Variants in POLR1E observed in about 807,000 individuals in gnomAD.
POLR1E encodes the protein DNA-directed RNA polymerase I subunit RPA49.
POLR1E carries 37 observed loss-of-function variants against 50.9 expected under a neutral mutation model. The observed-to-expected ratio is 0.73, with a 90% CI of 0.56 to 0.96. The LOEUF is 0.96. Ranked by LOEUF, POLR1E falls within the 40% of genes least tolerant of loss-of-function variation. POLR1E has a pLI of 0.00. For missense variants in POLR1E, 426 were observed against 518.1 expected (o/e 0.82, Z 1.73); for synonymous variants, 166 against 191.6 (o/e 0.87, Z 1.10).
At chr9:37,499,541 G>A (rs914509057) in intron 9 of POLR1E, among the ~76,000 whole-genome samples, 1 of 151,540 alleles carries the variant, frequency 6.6e-6, no homozygotes, top group African/African-American at 2.4e-5. Flanking sequence ...TTTTTGTTTT[G>A]TTTTTTTTGA....
At chr9:37,488,727 C>T (rs1417513250) in intron 3 of POLR1E, among the ~76,000 whole-genome samples, 4 of 151,956 alleles carry the variant, frequency 2.6e-5, no homozygotes, top group Non-Finnish European at 5.9e-5. Flanking sequence ...CATTACACTA[C>T]CGCAGTGAGC....
At chr9:37,498,318 A>G in intron 9 of POLR1E, 94 bp downstream of exon 9, 2 of 1,344,026 alleles carry the variant, frequency 1.5e-6, no homozygotes, top group South Asian at 1.4e-5. Flanking sequence ...GAAAATGGAT[A>G]TGTCTGTCCA....
chr9:37,492,610 C>T, intron 4 of POLR1E, 47 bp from the exon 5 acceptor site: 2 of 1,520,998 alleles, frequency 1.3e-6, no homozygotes, highest in Non-Finnish European at 9.1e-7. Flanking sequence ...TATTTGTAGG[C>T]CTCCCAATTG....
At position 37,498,243 on chromosome 9, in the gene POLR1E, T is replaced by C. The variant is rs1820820075; in HGVS notation, c.886+19T>C. On this transcript the variant is annotated intron_variant, in intron 9 of 11. Transcript: ENST00000377798. ...CGGAAAAGTAAGTCTATGATAAACA[T>C]TTTATTCTAATTGTTTCCAGTATAT... 4 of 1,600,268 alleles carry C rather than the reference T, an allele frequency of 2.5e-6. No homozygotes were observed. In the African/African-American group the frequency reaches 5.4e-5, roughly 22 times the overall value.
At position 37,486,779 on chromosome 9, in the gene POLR1E, C is replaced by T. The variant is rs1446558551; in HGVS notation, c.153C>T (p.Asn51=). The T allele has an allele frequency of 6.2e-7, 1 of 1,613,314 alleles. No individual in the cohort carries two copies. ...TGTATGAGAACAAAGATTCCACCAACCCCAGGAAGAGGAATCAACGGATCC... is the reference window on the plus strand; with the variant it reads ...TGTATGAGAACAAAGATTCCACCAATCCCAGGAAGAGGAATCAACGGATCC... ...FTLYENKDST[N]PRKRNQRILA... Residue 51 remains asparagine (N), a synonymous_variant, in exon 2 of 12, where the codon AAC becomes AAT. Coordinates refer to ENST00000377798, the MANE Select transcript of POLR1E (RefSeq NM_022490.4).
At chr9:37,501,415 A>C (rs1341624130) in intron 10 of POLR1E, among the ~76,000 whole-genome samples, 2 of 152,224 alleles carry the variant, frequency 1.3e-5, no homozygotes, top group Non-Finnish European at 2.9e-5. Context: ...CCTGCTGGGC[A>C]GGCGGGGACA....
rs377054836 is a variant in POLR1E at position 37,501,703 on chromosome 9, G to A, written c.969-10G>A. On this transcript the variant is annotated splice_polypyrimidine_tract_variant and intron_variant, in intron 10 of 11. Transcript: ENST00000377798. Reference sequence around the variant, plus strand: ...ATTTTGTTTCTCCTTTATTGCCACTGATTTTCTAGATTACGGAACTTAATT... The same window carrying A: ...ATTTTGTTTCTCCTTTATTGCCACTAATTTTCTAGATTACGGAACTTAATT... The A allele has an allele frequency of 5.2e-5, 84 of 1,602,940 alleles. No homozygotes were observed. Among genetic ancestry groups the A allele is most frequent in the African/African-American group, 1.6e-4 (12 of 74,274 alleles).
chr9:37,501,046 A>G (rs1820879374), intron 10 of POLR1E, 125 bp downstream of exon 10: 2 of 940,120 alleles, frequency 2.1e-6, no homozygotes. Context: ...GACTGCTGCC[A>G]TTTGGAAGGC....
rs771419485 is a variant in POLR1E, at chr9:37,486,355, C to T, written c.76+232C>T. The T allele has an allele frequency of 1.4e-4, 197 of 1,441,150 alleles. 2 individuals are homozygous for T. The Middle Eastern group carries it at 2.5e-3, about 19-fold the overall frequency. 89.3% of individuals were successfully genotyped at this position (1,441,150 alleles called of 1,614,324 possible). On this transcript the variant is annotated intron_variant, in intron 1 of 11. Transcript: ENST00000377798. Reference sequence around the variant, plus strand: ...CGCTCCCCAGAGCTGTGTCCAGGACCCTGCTGACCCCCTCACCCACCAGGT... The same window carrying T: ...CGCTCCCCAGAGCTGTGTCCAGGACTCTGCTGACCCCCTCACCCACCAGGT...
intron 8 of POLR1E, among the ~76,000 whole-genome samples, chr9:37,496,770 C>G (rs1277221748): frequency 6.6e-6 from 1 of 152,044 alleles, no homozygotes; most frequent in Admixed American, 6.5e-5. Context: ...TCCCCGAACT[C>G]TGCCCTTATC....
intron 10 of POLR1E, 48 bp downstream of exon 10, chr9:37,500,969 G>T: frequency 1.3e-6 from 2 of 1,530,554 alleles, no homozygotes; most frequent in Non-Finnish European, 1.8e-6. Context: ...GAAAGTAGGT[G>T]GGGGTTGGGA....
chr9:37,498,282 T>G (rs2119015620), intron 9 of POLR1E, 58 bp downstream of exon 9: 1 of 1,539,624 alleles, frequency 6.5e-7, no homozygotes, highest in South Asian at 1.2e-5. Flanking sequence ...TTGTCTGTAA[T>G]TCTTAGATGA....
At chr9:37,492,387 C>A in intron 4 of POLR1E, 1 of 1,091,206 alleles carries the variant, frequency 9.2e-7, no homozygotes, top group Non-Finnish European at 1.3e-6. Flanking sequence ...CAAGTAATTT[C>A]ATCTGTGGGC....
intron 4 of POLR1E, among the ~76,000 whole-genome samples, chr9:37,489,971 C>G (rs1207188471): frequency 6.6e-6 from 1 of 152,182 alleles, no homozygotes; most frequent in Non-Finnish European, 1.5e-5. Context: ...GACACAGATC[C>G]TGTCCCCATA....
chr9:37,502,918 G>A, intron 11 of POLR1E, 125 bp from the exon 12 acceptor site: 3 of 1,072,232 alleles, frequency 2.8e-6, no homozygotes, highest in East Asian at 5.2e-5. Context: ...CTTTGTGCCT[G>A]CTGGCAACCT....
intron 6 of POLR1E, among the ~76,000 whole-genome samples, chr9:37,494,027 C>A (rs1197472435): frequency 6.6e-6 from 1 of 152,154 alleles, no homozygotes; most frequent in Non-Finnish European, 1.5e-5. Flanking sequence ...TGCAGGGAAG[C>A]TTTGGTCAAA....
intron 9 of POLR1E, among the ~76,000 whole-genome samples, chr9:37,499,151 G>A (rs1300894368): frequency 6.6e-6 from 1 of 152,190 alleles, no homozygotes; most frequent in Admixed American, 6.5e-5. Context: ...GGGACTGGCT[G>A]GGCATGGTGG....
At chr9:37,493,534 G>A in intron 5 of POLR1E, 25 bp from the exon 6 acceptor site, 2 of 1,558,416 alleles carry the variant, frequency 1.3e-6, no homozygotes, top group Non-Finnish European at 1.7e-6. Context: ...CCTGTCCCCA[G>A]TAACCAGGTT....
At chr9:37,486,182 C>T in intron 1 of POLR1E, 59 bp downstream of exon 1, 3 of 1,500,186 alleles carry the variant, frequency 2.0e-6, no homozygotes, top group Middle Eastern at 1.7e-4. Context: ...CGTCTCGGTA[C>T]CTCAGCTGTC....
Sources: allele counts gnomAD v4.1 joint callset (sites outside exome capture counted in the v4.1 genomes callset), GRCh38; gene constraint gnomAD v4.1.1; transcripts MANE v1.5; gene names NCBI Gene and HGNC (gene_info 2026-07-23, HGNC 2026-07-21).